Variants in ARHGAP1 observed in about 807,000 individuals in gnomAD.
The protein encoded by ARHGAP1 is rho GTPase-activating protein 1.
Under a neutral mutation model 52.2 loss-of-function variants are expected in ARHGAP1, and 23 were observed. That is an observed-to-expected ratio of 0.44 (90% CI 0.32 to 0.62). ARHGAP1 has a LOEUF of 0.62. Ranked by LOEUF, ARHGAP1 falls within the 20% of genes least tolerant of loss-of-function variation. The pLI is 0.05. For synonymous variants in ARHGAP1, 210 were observed against 228.4 expected (o/e 0.92, Z 0.73); for missense variants, 480 against 560.9 (o/e 0.86, Z 1.46).
intron 3 of ARHGAP1, chr11:46,695,268 A>G (rs2064643572): frequency 2.8e-6 from 1 of 354,096 alleles, no homozygotes; most frequent in Admixed American, 3.8e-5. Flanking sequence ...TAGGGCTACA[A>G]TTTCCCAGGA....
intron 4 of ARHGAP1, among the ~76,000 whole-genome samples, chr11:46,683,450 GTCACCT>G (rs2134481275): frequency 6.6e-6 from 1 of 152,248 alleles, no homozygotes; most frequent in South Asian, 2.1e-4. Context: ...TGGCCAGAGA[GTCACCT>G]GCTCCAGTCA....
Position 46,681,067 on chromosome 11 carries a change from G to T in ARHGAP1, c.579C>A (p.Ser193Arg). The part of the protein sequence containing the change: ...GQKIFYVNYL[S>R]ELSEHVKLEQ... ...CCAGCTTCACGTGCTCGCTCAGCTC[G>T]CTCAGGTAATTCACATAGAAGATCT... is the stretch of plus-strand genomic sequence containing the variant. Residue 193 changes from serine to arginine, a missense_variant, in exon 7 of 13, where the codon AGC (serine) becomes AGA (arginine). By Grantham distance (110) the Ser-to-Arg change is moderately radical. Transcript: ENST00000311956. This position sits in a 1 kb window ranked among gnomAD's most constrained non-coding sequence, Gnocchi z 5.7. 6.2e-7 allele frequency: 1 copy of T among 1,614,090 alleles called. No individual in the cohort carries two copies. The highest frequency in any genetic ancestry group is 1.7e-5 in the Admixed American group (1 of 60,018).
chr11:46,679,494 T>A lies in ARHGAP1; in HGVS notation c.1028-26A>T. 6.2e-7 allele frequency: 1 copy of A among 1,611,834 alleles called. No individual in the cohort carries two copies. Among genetic ancestry groups the A allele is most frequent in the Non-Finnish European group, 8.5e-7 (1 of 1,178,200 alleles). ...CTATGAGGAAAGGAGGCCCGGGTTATAGGGGCCCTAGGCTGGGCTGGTTCA... is the reference window on the plus strand; with the variant it reads ...CTATGAGGAAAGGAGGCCCGGGTTAAAGGGGCCCTAGGCTGGGCTGGTTCA... On this transcript the variant is annotated intron_variant, in intron 11 of 12. Coordinates refer to ENST00000311956, the MANE Select transcript of ARHGAP1 (RefSeq NM_004308.5). This position sits in a 1 kb window ranked among gnomAD's most constrained non-coding sequence, Gnocchi z 4.4.
rs1469191882 is a variant in ARHGAP1, at chr11:46,679,195, T to A, written c.1162A>T (p.Thr388Ser). The change falls in exon 13 of 13, where the codon ACC (threonine) becomes TCC (serine). Residue 388 changes from threonine to serine, a missense_variant. Transcript: ENST00000311956. The surrounding 1 kb of genome is among the most constrained non-coding windows in gnomAD (Gnocchi z 4.4). ...AAAACAACAGCCAGGTTAGTGTTGG[T>A]CATCTTGTTCTGGTCACTGTGTGCA... Reference protein sequence around the residue: ...ISAHSDQNKMTNTNLAVVFGP... With the variant: ...ISAHSDQNKMSNTNLAVVFGP... 2 of 1,609,752 alleles carry A rather than the reference T, an allele frequency of 1.2e-6. No individual in the cohort carries two copies. Among genetic ancestry groups the A allele is most frequent in the Non-Finnish European group, 1.7e-6 (2 of 1,177,732 alleles).
chr11:46,683,470 GGCCTTTA>G (rs2134481301), intron 4 of ARHGAP1, among the ~76,000 whole-genome samples: 1 of 152,152 alleles, frequency 6.6e-6, no homozygotes, highest in South Asian at 2.1e-4. Flanking sequence ...CCAGTCACTG[GGCCTTTA>G]GTGGACCAAA....
chr11:46,684,798 C>CA (rs1321192922), intron 4 of ARHGAP1, among the ~76,000 whole-genome samples: 1 of 152,060 alleles, frequency 6.6e-6, no homozygotes, highest in Non-Finnish European at 1.5e-5. Flanking sequence ...ATGTAAGATA[C>CA]AAAACCAGGC....
intron 4 of ARHGAP1, among the ~76,000 whole-genome samples, chr11:46,686,545 A>G (rs2064569906): frequency 6.6e-6 from 1 of 151,556 alleles, no homozygotes; most frequent in South Asian, 2.1e-4. Context: ...CCTCCTGAGT[A>G]GCTGGGACTA....
Position 46,696,065 on chromosome 11 carries a change from C to G in ARHGAP1, c.43G>C (p.Asp15His). 6.2e-7 allele frequency: 1 copy of G among 1,612,354 alleles called. No homozygotes were observed. The highest frequency in any genetic ancestry group is 1.3e-5 in the African/African-American group (1 of 75,038). Reference protein sequence around the residue: ...SELQDDLTLDDTSEALNQLKL... With the variant: ...SELQDDLTLDHTSEALNQLKL... ...AGCTGGTTCAGAGCCTCGCTGGTGTCATCCAAGGTCAGATCATCCTGCAGC... is the reference window on the plus strand; with the variant it reads ...AGCTGGTTCAGAGCCTCGCTGGTGTGATCCAAGGTCAGATCATCCTGCAGC... Residue 15 changes from aspartate to histidine, a missense_variant, in exon 2 of 13, where the codon GAC becomes CAC. Physicochemically the swap from Asp to His is moderately conservative, Grantham distance 81. Transcript: ENST00000311956. The surrounding 1 kb of genome is among the most constrained non-coding windows in gnomAD (Gnocchi z 4.8).
In ARHGAP1 at chr11:46,680,376, G is replaced by A. The variant is rs544573910; in HGVS notation, c.821-94C>T. 6.1e-5 allele frequency: 96 copies of A among 1,577,992 alleles called. 1 individual carries two copies. In the South Asian group the frequency reaches 1.0e-3, roughly 17 times the overall value. On this transcript the variant is annotated intron_variant, in intron 9 of 12. Coordinates refer to ENST00000311956, the MANE Select transcript of ARHGAP1 (RefSeq NM_004308.5). The surrounding 1 kb of genome is among the most constrained non-coding windows in gnomAD (Gnocchi z 5.9). ...GTCTTGGGGTTCTAGGCAGGGCTGG[G>A]TGGGGACGTTGAGGCTTGCAGGACC...
At position 46,691,032 on chromosome 11, in the gene ARHGAP1, G is replaced by A. The variant is rs2064610457; in HGVS notation, c.230-2772C>T. Among the ~76,000 whole-genome samples, 3 of 152,056 alleles carry A rather than the reference G, an allele frequency of 2.0e-5. No individual in the cohort carries two copies. The South Asian group carries it at 6.2e-4, about 32-fold the overall frequency. ...ATGTCCTGAGTAGCTAGGACTACAG[G>A]CACATGCCATCCCACCTGCTTAATT... On this transcript the variant is annotated intron_variant, in intron 3 of 12. Transcript: ENST00000311956.
At chr11:46,698,701 C>T (rs962455043) in intron 1 of ARHGAP1, among the ~76,000 whole-genome samples, 16 of 151,920 alleles carry the variant, frequency 1.1e-4, no homozygotes, top group African/African-American at 3.6e-4. Context: ...TGAACTTCAC[C>T]TCTTTTCCAG....
At chr11:46,691,488 G>A (rs942521958) in intron 3 of ARHGAP1, among the ~76,000 whole-genome samples, 5 of 136,022 alleles carry the variant, frequency 3.7e-5, no homozygotes, top group Non-Finnish European at 7.7e-5. Context: ...AGTTTTGCTC[G>A]TTACCCAGGC....
Position 46,678,503 on chromosome 11 carries a change from G to T in ARHGAP1, c.*534C>A, listed in dbSNP as rs1202929115. ...GGGAAATACCCCAGACTGCGCTGCT[G>T]GGGGCAGTACAGGAGCAAGGGTGCT... On this transcript the variant is annotated 3_prime_UTR_variant, in exon 13 of 13. Transcript: ENST00000311956. The T allele has an allele frequency of 5.9e-6, 1 of 169,894 alleles. No individual in the cohort carries two copies. Among genetic ancestry groups the T allele is most frequent in the African/African-American group, 2.4e-5 (1 of 41,514 alleles). 10.5% of individuals were successfully genotyped at this position (169,894 alleles called of 1,614,324 possible). A position where few individuals can be genotyped will look rare whatever the true frequency, so the allele number is the denominator to read the frequency against.
chr11:46,693,042 C>T (rs1194381254), intron 3 of ARHGAP1, among the ~76,000 whole-genome samples: 3 of 152,188 alleles, frequency 2.0e-5, no homozygotes, highest in East Asian at 1.9e-4. Flanking sequence ...TTAGTAGAGA[C>T]GGGGTTTCAC....
Position 46,677,142 on chromosome 11 carries a change from C to T in ARHGAP1, c.*1895G>A, listed in dbSNP as rs879603768. On this transcript the variant is annotated 3_prime_UTR_variant, in exon 13 of 13. Coordinates refer to ENST00000311956, the MANE Select transcript of ARHGAP1 (RefSeq NM_004308.5). Reference sequence around the variant, plus strand: ...AAACGGTGAAATACATGATTGGTGCCAAGGAAGTCATTAAGTGTGAATGTG... The same window carrying T: ...AAACGGTGAAATACATGATTGGTGCTAAGGAAGTCATTAAGTGTGAATGTG... 15 of 152,570 alleles carry T rather than the reference C, an allele frequency of 9.8e-5. No individual in the cohort carries two copies. The highest frequency in any genetic ancestry group is 2.2e-4 in the African/African-American group (9 of 41,422). The allele number at this position is 152,570 out of a possible 1,614,324, so 9.5% of individuals were successfully genotyped here.
At chr11:46,700,188 G>A (rs761592370) in intron 1 of ARHGAP1, among the ~76,000 whole-genome samples, 1 of 152,108 alleles carries the variant, frequency 6.6e-6, no homozygotes, top group Non-Finnish European at 1.5e-5. Flanking sequence ...CTGAAAGCGT[G>A]GCCTAATAAG....
rs377515201 is a variant in ARHGAP1 at position 46,681,606 on chromosome 11, G to T, written c.450-227C>A. 4 of 476,672 alleles carry T rather than the reference G, an allele frequency of 8.4e-6. No homozygotes were observed. The highest frequency in any genetic ancestry group is 4.1e-5 in the East Asian group (1 of 24,410). The allele number at this position is 476,672 out of a possible 1,614,324, so 29.5% of individuals were successfully genotyped here. On this transcript the variant is annotated intron_variant, in intron 5 of 12. Transcript: ENST00000311956. The surrounding 1 kb of genome is among the most constrained non-coding windows in gnomAD (Gnocchi z 5.7). ...CCACCACCACACCTAGCTAATTTTT[G>T]TATTTTTAGCGGAGACAGGGTTTCA...
At chr11:46,689,809 G>A (rs1439142599) in intron 3 of ARHGAP1, among the ~76,000 whole-genome samples, 2 of 152,136 alleles carry the variant, frequency 1.3e-5, no homozygotes, top group Non-Finnish European at 2.9e-5. Context: ...AAAGCGCTGG[G>A]ATTACAGGCA....
In ARHGAP1 at chr11:46,677,365, C is replaced by G. The variant is rs151329376; in HGVS notation, c.*1672G>C. The stretch of plus-strand genomic sequence containing the variant: ...GGGACTGATGAAGAACCAGCAGCAG[C>G]CCAGGCCCCAGGGGGCTGGATGCAC... On this transcript the variant is annotated 3_prime_UTR_variant, in exon 13 of 13. Transcript: ENST00000311956. 3.5e-3 allele frequency: 540 copies of G among 152,642 alleles called. 2 individuals are homozygous for G. Among genetic ancestry groups the G allele is most frequent in the Non-Finnish European group, 5.5e-3 (378 of 68,246 alleles). 9.5% of individuals were successfully genotyped at this position (152,642 alleles called of 1,614,324 possible). A position where few individuals can be genotyped will look rare whatever the true frequency, so the allele number is the denominator to read the frequency against.
Sources: gnomAD v4.1 joint callset for allele counts (sites outside exome capture counted in the v4.1 genomes callset) on GRCh38, gnomAD v4.1.1 for gene constraint, Gnocchi (gnomAD v3.1) non-coding constraint, MANE v1.5 for transcripts, NCBI Gene and HGNC (gene_info 2026-07-23, HGNC 2026-07-21) for gene names.